Variants in MTMR6 observed in about 807,000 individuals in gnomAD.
MTMR6 encodes phosphatidylinositol-3,5-bisphosphate 3-phosphatase MTMR6.
MTMR6 carries 47 observed loss-of-function variants against 80.1 expected under a neutral mutation model. That is an observed-to-expected ratio of 0.59 (90% CI 0.46 to 0.75). The LOEUF (loss-of-function observed/expected upper bound fraction) is 0.75. MTMR6 is among the 30% of genes least tolerant of loss of function. MTMR6 has a pLI of 0.00. For missense variants in MTMR6, 629 were observed against 730.9 expected (o/e 0.86, Z 1.61); for synonymous variants, 254 against 253.0 (o/e 1.00, Z -0.04).
intron 2 of MTMR6, among the ~76,000 whole-genome samples, chr13:25,268,606 T>G (rs1957504807): frequency 6.6e-6 from 1 of 152,282 alleles, no homozygotes; most frequent in South Asian, 2.1e-4. Flanking sequence ...CCCACAACCC[T>G]TTCCAAGTAA....
intron 6 of MTMR6, among the ~76,000 whole-genome samples, chr13:25,259,509 C>A (rs762544805): frequency 2.0e-5 from 3 of 152,158 alleles, no homozygotes; most frequent in Non-Finnish European, 4.4e-5. Context: ...GTAACAAGTA[C>A]AGTTAAATTG....
chr13:25,269,802 T>C (rs1957532113), intron 2 of MTMR6, among the ~76,000 whole-genome samples: 1 of 152,026 alleles, frequency 6.6e-6, no homozygotes, highest in African/African-American at 2.4e-5. Context: ...TAAAACTACA[T>C]AGAGAACAAA....
chr13:25,266,311 T>A (rs755931392), intron 3 of MTMR6, 25 bp from the exon 4 acceptor site: 2 of 1,568,852 alleles, frequency 1.3e-6, no homozygotes, highest in African/African-American at 2.7e-5. Context: ...ATTTTAAATG[T>A]TAAGTGCAAT....
intron 5 of MTMR6, among the ~76,000 whole-genome samples, chr13:25,262,629 C>G (rs1001247181): frequency 6.6e-6 from 1 of 152,164 alleles, no homozygotes; most frequent in East Asian, 1.9e-4. Context: ...CACCTCCCAG[C>G]ATGCTGGGAT....
At position 25,267,848 on chromosome 13, in the gene MTMR6, GCA is replaced by G. The variant is rs768744218; in HGVS notation, c.233_234del (p.Val78AlafsTer12). On this transcript the variant is annotated frameshift_variant, in exon 3 of 14. Coordinates refer to ENST00000381801, the MANE Select transcript of MTMR6 (RefSeq NM_004685.5). LOFTEE classifies it high-confidence loss of function. Reference sequence around the variant, plus strand: ...TCTCTTTCTCTGGGAACAATGAAATGCACAGTTCTGAAGTTCTTGCACTGTAT... The same window carrying G: ...TCTCTTTCTCTGGGAACAATGAAATGCAGTTCTGAAGTTCTTGCACTGTAT... ...LVIQCKNFRT[V>X]HFIVPRERDC... 68 of 1,613,742 alleles carry G rather than the reference GCA, an allele frequency of 4.2e-5. No homozygotes were observed. The highest frequency in any genetic ancestry group is 5.6e-5 in the Non-Finnish European group (66 of 1,179,756).
At position 25,274,109 on chromosome 13, in the gene MTMR6, G is replaced by A. The variant is rs200532795; in HGVS notation, c.103C>T (p.His35Tyr). The A allele has an allele frequency of 1.2e-6, 2 of 1,611,882 alleles. No individual in the cohort carries two copies. The highest frequency in any genetic ancestry group is 1.7e-6 in the Non-Finnish European group (2 of 1,178,634). ...LTGTLYLTAT[H>Y]LLFIDSHQKE... Reference sequence around the variant, plus strand: ...TGATGAGAGTCGATAAATAATAGATGTGTAGCCGTAAGATACAGTGTTCCT... The same window carrying A: ...TGATGAGAGTCGATAAATAATAGATATGTAGCCGTAAGATACAGTGTTCCT... The change falls in exon 2 of 14, where the codon CAT becomes TAT. Residue 35 changes from histidine (H) to tyrosine (Y), a missense_variant. Transcript: ENST00000381801.
intron 1 of MTMR6, among the ~76,000 whole-genome samples, chr13:25,276,043 TGCAAA>T (rs72419148): frequency 0.082 from 12,542 of 152,172 alleles, 797 homozygotes; most frequent in Admixed American, 0.2. Context: ...TACAACACAC[TGCAAA>T]TCCAAACTTA....
intron 3 of MTMR6, among the ~76,000 whole-genome samples, chr13:25,266,603 T>C (rs1402421126): frequency 1.3e-5 from 2 of 152,140 alleles, no homozygotes; most frequent in East Asian, 1.9e-4. Context: ...AGACATTTCC[T>C]ACTAATCACT....
In MTMR6 at chr13:25,261,767, T is replaced by C. The variant is rs138696754; in HGVS notation, c.627A>G (p.Gly209=). 8.7e-6 allele frequency: 14 copies of C among 1,613,744 alleles called. No individual in the cohort carries two copies. The East Asian group carries it at 3.1e-4, about 36-fold the overall frequency. ...AICRCSQPLS[G]FSARCLEDEH... ...CATCCTCCAGGCACCTGGCACTGAA[T>C]CCAGAGAGTGGCTGACTACATCGAC... Residue 209 remains glycine (G), a synonymous_variant, in exon 6 of 14, where the codon GGA becomes GGG. Coordinates refer to ENST00000381801, the MANE Select transcript of MTMR6 (RefSeq NM_004685.5).
At chr13:25,262,750 A>G (rs1254824949) in intron 5 of MTMR6, among the ~76,000 whole-genome samples, 1 of 152,254 alleles carries the variant, frequency 6.6e-6, no homozygotes, top group Non-Finnish European at 1.5e-5. Flanking sequence ...AAATACATGC[A>G]AATTCACACA....
chr13:25,259,296 T>C (rs1957283449), intron 6 of MTMR6, among the ~76,000 whole-genome samples: 1 of 152,198 alleles, frequency 6.6e-6, no homozygotes, highest in South Asian at 2.1e-4. Flanking sequence ...AAAAAACAGA[T>C]TGCTCATATG....
chr13:25,249,741 C>T (rs1033588454), intron 13 of MTMR6, among the ~76,000 whole-genome samples: 2 of 152,072 alleles, frequency 1.3e-5, no homozygotes, highest in Non-Finnish European at 2.9e-5. Context: ...TGACTGCAGG[C>T]GATCACTAGG....
At chr13:25,270,891 C>T (rs1957558493) in intron 2 of MTMR6, among the ~76,000 whole-genome samples, 1 of 152,108 alleles carries the variant, frequency 6.6e-6, no homozygotes, top group Non-Finnish European at 1.5e-5. Flanking sequence ...CATAATTGAC[C>T]TCTAATCTTG....
At chr13:25,267,504 T>C (rs1337698680) in intron 3 of MTMR6, among the ~76,000 whole-genome samples, 1 of 152,226 alleles carries the variant, frequency 6.6e-6, no homozygotes, top group East Asian at 1.9e-4. Context: ...TTGCCATCAA[T>C]AGACTTAAAA....
chr13:25,262,365 T>C (rs1005305915), intron 5 of MTMR6, among the ~76,000 whole-genome samples: 1 of 152,194 alleles, frequency 6.6e-6, no homozygotes, highest in Non-Finnish European at 1.5e-5. Context: ...TTACTGTTTT[T>C]TGTTTGGCTG....
chr13:25,272,431 G>A (rs183091219), intron 2 of MTMR6, among the ~76,000 whole-genome samples: 1 of 152,104 alleles, frequency 6.6e-6, no homozygotes, highest in East Asian at 1.9e-4. Context: ...CTCTTTATTT[G>A]TTTTCTTGAA....
chr13:25,259,011 C>T (rs990981808), intron 6 of MTMR6, among the ~76,000 whole-genome samples: 2 of 152,130 alleles, frequency 1.3e-5, no homozygotes, highest in African/African-American at 4.8e-5. Context: ...AGAAATGTCT[C>T]CTATCTAATT....
In MTMR6 at chr13:25,248,772, C is replaced by A. The variant is rs1463347639; in HGVS notation, c.*460G>T. 1 of 152,964 alleles carries A rather than the reference C, an allele frequency of 6.5e-6. No individual in the cohort carries two copies. Among genetic ancestry groups the A allele is most frequent in the Non-Finnish European group, 1.5e-5 (1 of 68,322 alleles). 9.5% of individuals were successfully genotyped at this position (152,964 alleles called of 1,614,324 possible). A position where few individuals can be genotyped will look rare whatever the true frequency, so the allele number is the denominator to read the frequency against. On this transcript the variant is annotated 3_prime_UTR_variant, in exon 14 of 14. Coordinates refer to ENST00000381801, the MANE Select transcript of MTMR6 (RefSeq NM_004685.5). The stretch of plus-strand genomic sequence containing the variant: ...GCTTTCTTAGAAATATTTTTCATGG[C>A]ACTTTAACATTAAATATCACTAAAA...
chr13:25,258,886 A>G (rs45519237), intron 6 of MTMR6, among the ~76,000 whole-genome samples, 194 bp from the exon 7 acceptor site: 2,823 of 152,350 alleles, frequency 0.019, 41 homozygotes, highest in Admixed American at 0.038. Flanking sequence ...GAGATAATAA[A>G]GTAATACGAT....
Sources: gnomAD v4.1 joint callset for allele counts (sites outside exome capture counted in the v4.1 genomes callset) on GRCh38, gnomAD v4.1.1 for gene constraint, MANE v1.5 for transcripts, NCBI Gene and HGNC (gene_info 2026-07-23, HGNC 2026-07-21) for gene names.